The following ERG variants were observed in gnomAD, a reference collection of about 807,000 sequenced individuals.
ERG encodes ETS transcription factor ERG, also known as transcriptional regulator ERG.
Under a neutral mutation model 55.3 loss-of-function variants are expected in ERG, and 9 were observed. The observed-to-expected ratio is 0.16, with a 90% confidence interval of 0.10 to 0.28. The LOEUF (loss-of-function observed/expected upper bound fraction) is 0.28, where lower values mean the gene tolerates loss of function less well. ERG is among the 10% of genes least tolerant of loss of function. The pLI is 1.00. For missense variants in ERG, 434 were observed against 631.6 expected (o/e 0.69, Z 3.35); for synonymous variants, 223 against 237.3 (o/e 0.94, Z 0.55).
Position 38,381,237 on chromosome 21 carries a change from T to A in ERG, c.*2166A>T. On this transcript the variant is annotated 3_prime_UTR_variant, in exon 10 of 10. Transcript: ENST00000288319. ...AAAAAAACAGGCCCTGAAACAGCTA[T>A]GAAAAGGGCCAGTTCAGAAACCTAT... The A allele has an allele frequency of 9.4e-7, 1 of 1,065,326 alleles. No individual in the cohort carries two copies. The highest frequency in any genetic ancestry group is 1.1e-6 in the Non-Finnish European group (1 of 879,278). The allele number at this position is 1,065,326 out of a possible 1,614,324, so 66.0% of individuals were successfully genotyped here. A position where few individuals can be genotyped will look rare whatever the true frequency, so the allele number is the denominator to read the frequency against.
intron 1 of ERG, among the ~76,000 whole-genome samples, chr21:38,459,863 C>G (rs2059024870): frequency 6.6e-6 from 1 of 152,196 alleles, no homozygotes; most frequent in East Asian, 1.9e-4. Flanking sequence ...TATTCTAGCA[C>G]TACAAGCCAC....
chr21:38,551,963 G>T (rs116425465), intron 2 of ERG, among the ~76,000 whole-genome samples: 1 of 152,102 alleles, frequency 6.6e-6, no homozygotes, highest in Non-Finnish European at 1.5e-5. Flanking sequence ...CACTATTATT[G>T]TATGGTTATC....
chr21:38,586,106 A>T (rs1325357142), upstream of ERG, among the ~76,000 whole-genome samples: 6 of 150,494 alleles, frequency 4.0e-5, no homozygotes, highest in South Asian at 2.1e-4. Flanking sequence ...AAATATTTTT[A>T]AAATTATTTA....
chr21:38,430,374 T>C (rs1390070567), intron 2 of ERG, among the ~76,000 whole-genome samples: 3 of 152,254 alleles, frequency 2.0e-5, no homozygotes, highest in Non-Finnish European at 2.9e-5. Context: ...GTCTGTTTGC[T>C]GATTATTTCT....
At chr21:38,438,536 A>G (rs1265371891) in intron 2 of ERG, among the ~76,000 whole-genome samples, 1 of 152,202 alleles carries the variant, frequency 6.6e-6, no homozygotes, top group Non-Finnish European at 1.5e-5. Context: ...TGTTTTTTAA[A>G]TAACATCTAT....
At chr21:38,602,022 G>A (rs1327696020) in intron 1 of ERG, among the ~76,000 whole-genome samples, 1 of 152,088 alleles carries the variant, frequency 6.6e-6, no homozygotes, top group Non-Finnish European at 1.5e-5. Flanking sequence ...GAACACTTCT[G>A]AGTCACTTCT....
chr21:38,586,374 T>C (rs1268354897), upstream of ERG, among the ~76,000 whole-genome samples: 1 of 152,040 alleles, frequency 6.6e-6, no homozygotes, highest in Non-Finnish European at 1.5e-5. Flanking sequence ...AGTCAATAGA[T>C]CATAGGTCTA....
chr21:38,393,369 T>A (rs1988064585), intron 6 of ERG, among the ~76,000 whole-genome samples: 1 of 152,234 alleles, frequency 6.6e-6, no homozygotes, highest in East Asian at 1.9e-4. Context: ...TTGCTAAGAG[T>A]GCATAGCTAA....
chr21:38,478,533 T>C (rs1421150723), intron 1 of ERG, among the ~76,000 whole-genome samples: 1 of 152,118 alleles, frequency 6.6e-6, no homozygotes, highest in Non-Finnish European at 1.5e-5. Context: ...CCTGTGTGCA[T>C]TGGACGTAGA....
At chr21:38,439,068 C>T (rs1227185097) in intron 2 of ERG, among the ~76,000 whole-genome samples, 2 of 152,206 alleles carry the variant, frequency 1.3e-5, no homozygotes, top group Non-Finnish European at 2.9e-5. Context: ...AGGTGGCCTG[C>T]AGACTGGGCT....
chr21:38,504,340 G>C (rs1738587276), intron 2 of ERG, among the ~76,000 whole-genome samples: 1 of 152,064 alleles, frequency 6.6e-6, no homozygotes, highest in South Asian at 2.1e-4. Flanking sequence ...CTCAAGTTTA[G>C]GCCAATTTTG....
intron 3 of ERG, among the ~76,000 whole-genome samples, chr21:38,405,839 C>T (rs1170975573): frequency 6.6e-6 from 1 of 152,128 alleles, no homozygotes; most frequent in Non-Finnish European, 1.5e-5. Context: ...AATATTTAAA[C>T]ACCCACATTC....
At chr21:38,622,581 C>A (rs2060297958) in intron 1 of ERG, among the ~76,000 whole-genome samples, 1 of 149,000 alleles carries the variant, frequency 6.7e-6, no homozygotes, top group Admixed American at 6.7e-5. Flanking sequence ...CTCATATGTA[C>A]CACACACACC....
chr21:38,490,266 A>G (rs1254860565), intron 1 of ERG, among the ~76,000 whole-genome samples: 1 of 152,198 alleles, frequency 6.6e-6, no homozygotes, highest in Admixed American at 6.5e-5. Flanking sequence ...AAAAAAAGGT[A>G]GGGGGAAATG....
intron 1 of ERG, among the ~76,000 whole-genome samples, chr21:38,481,349 G>A (rs368844694): frequency 1.1e-4 from 16 of 152,154 alleles, no homozygotes; most frequent in African/African-American, 2.7e-4. Flanking sequence ...ACATGCGGAC[G>A]CTGTGGAAAC....
chr21:38,560,145 A>G (rs2059884128), intron 2 of ERG, among the ~76,000 whole-genome samples: 1 of 152,218 alleles, frequency 6.6e-6, no homozygotes, highest in South Asian at 2.1e-4. Flanking sequence ...TTCTGAGCAG[A>G]AAGTAGTCTT....
chr21:38,418,613 G>A (rs1230678638), intron 3 of ERG, among the ~76,000 whole-genome samples: 1 of 151,714 alleles, frequency 6.6e-6, no homozygotes, highest in Non-Finnish European at 1.5e-5. Flanking sequence ...TGATACAAGT[G>A]GTTCTGACCA....
At chr21:38,483,838 G>T (rs2059259757) in intron 1 of ERG, among the ~76,000 whole-genome samples, 1 of 152,164 alleles carries the variant, frequency 6.6e-6, no homozygotes, top group Non-Finnish European at 1.5e-5. Flanking sequence ...CAGCATTCCA[G>T]CCTGGGCGAC....
At chr21:38,639,972 G>T (rs755455863) in intron 1 of ERG, among the ~76,000 whole-genome samples, 36 of 152,062 alleles carry the variant, frequency 2.4e-4, no homozygotes, top group Admixed American at 2.0e-4. Context: ...TGAGCACAGG[G>T]CTCCTTAAAG....
Sources: gnomAD v4.1 joint callset for allele counts (sites outside exome capture counted in the v4.1 genomes callset) on GRCh38, gnomAD v4.1.1 for gene constraint, MANE v1.5 for transcripts, NCBI Gene and HGNC (gene_info 2026-07-23, HGNC 2026-07-21) for gene names.